The following OSBPL3 variants were observed in gnomAD, a reference collection of about 807,000 sequenced individuals.
OSBPL3 encodes oxysterol-binding protein-related protein 3.
In OSBPL3, 65 loss-of-function variants were observed where a neutral mutation model predicts 120.1. That is an observed-to-expected ratio of 0.54 (90% confidence interval 0.44 to 0.67). The LOEUF is 0.67. OSBPL3 is among the 30% of genes least tolerant of loss of function. The probability of loss-of-function intolerance (pLI) is 0.00; values close to 1 mark genes in which losing one functional copy is unlikely to be tolerated. For missense variants in OSBPL3, 1,004 were observed against 1,082.1 expected (o/e 0.93, Z 1.01); for synonymous variants, 416 against 402.6 (o/e 1.03, Z -0.40).
chr7:24,872,709 C>A lies in OSBPL3; in HGVS notation c.97-640G>T, dbSNP rs1802339282. On this transcript the variant is annotated intron_variant, in intron 2 of 22. Transcript: ENST00000313367. The surrounding 1 kb of genome is among the most constrained non-coding windows in gnomAD (Gnocchi z 4.1). ...AAATTTGTTTTTTCCATCTTTGTTTCAAAAACTTTTCTTTCTTTGGCCAAT... is the reference window on the plus strand; with the variant it reads ...AAATTTGTTTTTTCCATCTTTGTTTAAAAAACTTTTCTTTCTTTGGCCAAT... 6.6e-6 allele frequency among the ~76,000 whole-genome samples: 1 copy of A among 152,022 alleles called. No homozygotes were observed. The highest frequency in any genetic ancestry group is 1.5e-5 in the Non-Finnish European group (1 of 67,986).
intron 2 of OSBPL3, among the ~76,000 whole-genome samples, chr7:24,887,817 T>C (rs144965812): frequency 6.6e-6 from 1 of 152,310 alleles, no homozygotes; most frequent in Non-Finnish European, 1.5e-5. Context: ...CACAATGCTC[T>C]GTGCAGCTAC....
intron 19 of OSBPL3, among the ~76,000 whole-genome samples, chr7:24,814,267 T>G (rs1205845240): frequency 1.6e-5 from 2 of 125,274 alleles, no homozygotes; most frequent in Admixed American, 1.7e-4. Flanking sequence ...AAGTTCAGGT[T>G]GGAGAGGAAC....
At chr7:24,917,371 GATATTTGTAACATATATAT>G (rs1490948746) in intron 1 of OSBPL3, among the ~76,000 whole-genome samples, 3 of 106,316 alleles carry the variant, frequency 2.8e-5, no homozygotes, top group Non-Finnish European at 3.9e-5. Context: ...TGGAGCATAG[GATATTTGTAACATATATAT>G]ATATTTGTAA....
intron 1 of OSBPL3, among the ~76,000 whole-genome samples, chr7:24,934,540 C>T (rs1298944806): frequency 6.6e-6 from 1 of 152,136 alleles, no homozygotes; most frequent in African/African-American, 2.4e-5. Context: ...GCACAAAGTA[C>T]ATTAGGGTTT....
intron 2 of OSBPL3, among the ~76,000 whole-genome samples, chr7:24,875,644 A>T (rs1483115716): frequency 2.0e-5 from 3 of 152,106 alleles, no homozygotes. Flanking sequence ...CCAGGAGTGT[A>T]AGGCTACAGA....
At chr7:24,911,277 G>A (rs116997068) in intron 1 of OSBPL3, among the ~76,000 whole-genome samples, 1 of 152,282 alleles carries the variant, frequency 6.6e-6, no homozygotes, top group South Asian at 2.1e-4. Flanking sequence ...TTATCAGTGG[G>A]TGTTATTACG....
chr7:24,832,040 A>C (rs374551695), intron 15 of OSBPL3, among the ~76,000 whole-genome samples: 69 of 151,574 alleles, frequency 4.6e-4, no homozygotes, highest in African/African-American at 1.6e-3. Flanking sequence ...TCTTCTCTAC[A>C]AAAAAAATAC....
rs1277518578 is a variant in OSBPL3 at position 24,851,360 on chromosome 7, T to C, written c.1158+1144A>G. On this transcript the variant is annotated intron_variant, in intron 11 of 22. Transcript: ENST00000313367. The surrounding 1 kb of genome is among the most constrained non-coding windows in gnomAD (Gnocchi z 4.1). ...TGTTATTTTTAATTTCTTTTGAAGA[T>C]AGCATACTTGTAATGGTCCATCAGT... 4.6e-5 allele frequency among the ~76,000 whole-genome samples: 7 copies of C among 152,208 alleles called. No individual in the cohort carries two copies. Among genetic ancestry groups the C allele is most frequent in the South Asian group, 2.1e-4 (1 of 4,834 alleles).
rs1021502071 is a variant in OSBPL3 at position 24,965,437 on chromosome 7, C to T, written c.-150+14449G>A. On this transcript the variant is annotated intron_variant, in intron 1 of 22. Transcript: ENST00000313367. This position sits in a 1 kb window ranked among gnomAD's most constrained non-coding sequence, Gnocchi z 4.3. Reference sequence around the variant, plus strand: ...AAGAAACATATATTAAAGTGATTTACAAATGTGGAAGTGTTATATAAAATA... The same window carrying T: ...AAGAAACATATATTAAAGTGATTTATAAATGTGGAAGTGTTATATAAAATA... 5.9e-5 allele frequency among the ~76,000 whole-genome samples: 9 copies of T among 152,090 alleles called. No individual in the cohort carries two copies. Among genetic ancestry groups the T allele is most frequent in the Non-Finnish European group, 1.2e-4 (8 of 68,016 alleles).
Position 24,831,776 on chromosome 7 carries a change from A to G in OSBPL3, c.1747-871T>C, listed in dbSNP as rs181271864. On this transcript the variant is annotated intron_variant, in intron 15 of 22. Coordinates refer to ENST00000313367, the MANE Select transcript of OSBPL3 (RefSeq NM_015550.4). This position sits in a 1 kb window ranked among gnomAD's most constrained non-coding sequence, Gnocchi z 4.0. ...CGTGCAGTTTCTTATACTGAAGAAG[A>G]GCTGAGTGCCTTTCATAAATGCCCA... Among the ~76,000 whole-genome samples the G allele has an allele frequency of 6.6e-6, 1 of 152,228 alleles. No homozygotes were observed. The highest frequency in any genetic ancestry group is 2.4e-5 in the African/African-American group (1 of 41,462).
At chr7:24,924,667 T>C (rs112435091) in intron 1 of OSBPL3, among the ~76,000 whole-genome samples, 1 of 152,242 alleles carries the variant, frequency 6.6e-6, no homozygotes. Flanking sequence ...CCATACTTTC[T>C]GAGACAGCCA....
At chr7:24,902,921 T>C (rs1488416879) in intron 1 of OSBPL3, among the ~76,000 whole-genome samples, 2 of 152,166 alleles carry the variant, frequency 1.3e-5, no homozygotes, top group African/African-American at 4.8e-5. Context: ...TTCCCTCTAT[T>C]GTCACTGTGC....
rs1806715152 is a variant in OSBPL3, at chr7:24,899,833, T to C, written c.-149-7212A>G. On this transcript the variant is annotated intron_variant, in intron 1 of 22. Transcript: ENST00000313367. The surrounding 1 kb of genome is among the most constrained non-coding windows in gnomAD (Gnocchi z 4.0). ...CGGATTCTTATTTAAGATGCAGATTTTGCTCCACTTTAGATGAGTTGAATC... is the reference window on the plus strand; with the variant it reads ...CGGATTCTTATTTAAGATGCAGATTCTGCTCCACTTTAGATGAGTTGAATC... Among the ~76,000 whole-genome samples, 1 of 152,248 alleles carries C rather than the reference T, an allele frequency of 6.6e-6. No individual in the cohort carries two copies.
rs532156943 is a variant in OSBPL3 at position 24,918,805 on chromosome 7, G to A, written c.-149-26184C>T. Among the ~76,000 whole-genome samples, 4 of 152,296 alleles carry A rather than the reference G, an allele frequency of 2.6e-5. No individual in the cohort carries two copies. The East Asian group carries it at 5.8e-4, about 22-fold the overall frequency. On this transcript the variant is annotated intron_variant, in intron 1 of 22. Coordinates refer to ENST00000313367, the MANE Select transcript of OSBPL3 (RefSeq NM_015550.4). This position sits in a 1 kb window ranked among gnomAD's most constrained non-coding sequence, Gnocchi z 4.3. ...TGGAGAAAATACTTTCTAAATGGAAGAAGAATGATTTTAAGGAAGAATTTA... is the reference window on the plus strand; with the variant it reads ...TGGAGAAAATACTTTCTAAATGGAAAAAGAATGATTTTAAGGAAGAATTTA...
Position 24,872,962 on chromosome 7 carries a change from A to G in OSBPL3, c.97-893T>C, listed in dbSNP as rs1328757535. On this transcript the variant is annotated intron_variant, in intron 2 of 22. Coordinates refer to ENST00000313367, the MANE Select transcript of OSBPL3 (RefSeq NM_015550.4). The surrounding 1 kb of genome is among the most constrained non-coding windows in gnomAD (Gnocchi z 4.1). ...TTTTTATTATTATTTTTACATTTTT[A>G]TTGGGGTACAATATACATGAAATGC... 1.3e-5 allele frequency among the ~76,000 whole-genome samples: 2 copies of G among 152,176 alleles called. No individual in the cohort carries two copies. The highest frequency in any genetic ancestry group is 2.9e-5 in the Non-Finnish European group (2 of 68,032).
intron 1 of OSBPL3, among the ~76,000 whole-genome samples, chr7:24,970,500 G>T (rs1816888688): frequency 6.6e-6 from 1 of 151,990 alleles, no homozygotes; most frequent in Non-Finnish European, 1.5e-5. Flanking sequence ...CACTCCTCCT[G>T]AGCTCCTATA....
In OSBPL3 at chr7:24,849,197, G is replaced by A; in HGVS notation, c.1159-21C>T. The A allele has an allele frequency of 1.3e-6, 2 of 1,571,310 alleles. No homozygotes were observed. Among genetic ancestry groups the A allele is most frequent in the Non-Finnish European group, 1.8e-6 (2 of 1,141,998 alleles). On this transcript the variant is annotated intron_variant, in intron 11 of 22. Coordinates refer to ENST00000313367, the MANE Select transcript of OSBPL3 (RefSeq NM_015550.4). This position sits in a 1 kb window ranked among gnomAD's most constrained non-coding sequence, Gnocchi z 5.4. ...AGGGCCTGGAACATGTTAAAATAGT[G>A]GGGCTCTGTTAATAAATGGATGTTT... is the stretch of plus-strand genomic sequence containing the variant.
intron 1 of OSBPL3, among the ~76,000 whole-genome samples, chr7:24,935,882 C>CT (rs564195352): frequency 6.7e-5 from 10 of 148,714 alleles, no homozygotes; most frequent in South Asian, 2.2e-4. Context: ...AAGAAGGAAT[C>CT]TTTTTTTTTT....
At position 24,827,273 on chromosome 7, in the gene OSBPL3, T is replaced by C. The variant is rs1331106078; in HGVS notation, c.1884+3495A>G. On this transcript the variant is annotated intron_variant, in intron 16 of 22. Coordinates refer to ENST00000313367, the MANE Select transcript of OSBPL3 (RefSeq NM_015550.4). The surrounding 1 kb of genome is among the most constrained non-coding windows in gnomAD (Gnocchi z 5.1). ...CATCAAGGTAGACTGTCTCCTGGGC[T>C]GGAGGCAGAAAGAGCCATACCAGGT... is the stretch of plus-strand genomic sequence containing the variant. 6.6e-6 allele frequency among the ~76,000 whole-genome samples: 1 copy of C among 152,192 alleles called. No homozygotes were observed. Among genetic ancestry groups the C allele is most frequent in the Non-Finnish European group, 1.5e-5 (1 of 68,034 alleles).
Sources: gnomAD v4.1 joint callset for allele counts (sites outside exome capture counted in the v4.1 genomes callset) on GRCh38, gnomAD v4.1.1 for gene constraint, Gnocchi (gnomAD v3.1) non-coding constraint, MANE v1.5 for transcripts, NCBI Gene and HGNC (gene_info 2026-07-23, HGNC 2026-07-21) for gene names.